Variants in MRPS18C observed in about 807,000 individuals in gnomAD.
MRPS18C encodes the protein small ribosomal subunit protein bS18m.
A neutral mutation model predicts 21.0 loss-of-function variants in MRPS18C; 21 were observed. The ratio of observed to expected loss-of-function variants is 1.00; its 90% CI spans 0.71 to 1.44. The LOEUF is 1.44. MRPS18C is among the 40% of genes most tolerant of loss of function. The probability of loss-of-function intolerance (pLI) is 0.00; values close to 1 mark genes in which losing one functional copy is unlikely to be tolerated. For synonymous variants in MRPS18C, 65 were observed against 54.3 expected (o/e 1.20, Z -0.87); for missense variants, 152 against 171.5 (o/e 0.89, Z 0.64).
chr4:83,457,069 GAATA>G lies in MRPS18C; in HGVS notation c.150+112_150+115del, dbSNP rs914377768. On this transcript the variant is annotated intron_variant, in intron 2 of 5. Transcript: ENST00000295491. ...CTAACATCTTTTATTTTAGCTACTT[GAATA>G]GAGTTCTGCCGTAGGACAAAACAAT... The G allele has an allele frequency of 3.4e-6, 3 of 869,764 alleles. No individual in the cohort carries two copies. In the African/African-American group the frequency reaches 5.1e-5, roughly 15 times the overall value. 53.9% of individuals were successfully genotyped at this position (869,764 alleles called of 1,614,324 possible).
At position 83,460,963 on chromosome 4, in the gene MRPS18C, T is replaced by A. The variant is rs1560568946; in HGVS notation, c.293-10T>A. The A allele has an allele frequency of 1.9e-6, 3 of 1,587,604 alleles. No individual in the cohort carries two copies. The highest frequency in any genetic ancestry group is 2.6e-6 in the Non-Finnish European group (3 of 1,172,920). ...ATTTTTTATGAATAAGAAAGCTTTT[T>A]ATTTTACAGGTCTTTGTGGGAAGAA... On this transcript the variant is annotated splice_polypyrimidine_tract_variant and intron_variant, in intron 4 of 5. Coordinates refer to ENST00000295491, the MANE Select transcript of MRPS18C (RefSeq NM_016067.4).
chr4:83,460,110 A>G (rs1175021435), intron 4 of MRPS18C: 1 of 195,276 alleles, frequency 5.1e-6, no homozygotes, highest in Non-Finnish European at 1.0e-5. Context: ...CCATAGGCCA[A>G]ATTCGACCTG....
Position 83,459,797 on chromosome 4 carries a change from G to C in MRPS18C, c.292G>C (p.Gly98Arg). Residue 98 changes from glycine (G) to arginine (R), a missense_variant and splice_region_variant, in exon 4 of 6, where the codon GGT becomes CGT. By Grantham distance (125) the Gly-to-Arg change is moderately radical (BLOSUM62 -2). Transcript: ENST00000295491. ...TGCIYGRHIT[G>R]LCGKKQKEIT... ...ATGCATTTATGGAAGGCACATTACA[G>C]GTATGTTCTTTTTTATTATGGGAAT... 6.3e-7 allele frequency: 1 copy of C among 1,594,086 alleles called. No homozygotes were observed. The highest frequency in any genetic ancestry group is 8.6e-7 in the Non-Finnish European group (1 of 1,166,238).
Position 83,461,868 on chromosome 4 carries a change from T to C in MRPS18C, c.*671T>C, listed in dbSNP as rs1722131666. 1 of 228,558 alleles carries C rather than the reference T, an allele frequency of 4.4e-6. No individual in the cohort carries two copies. Among genetic ancestry groups the C allele is most frequent in the Admixed American group, 5.7e-5 (1 of 17,640 alleles). The allele number at this position is 228,558 out of a possible 1,614,324, so 14.2% of individuals were successfully genotyped here. On this transcript the variant is annotated 3_prime_UTR_variant, in exon 6 of 6. Coordinates refer to ENST00000295491, the MANE Select transcript of MRPS18C (RefSeq NM_016067.4). ...AATTAAGGCTGCCAGATTTAGCAAG[T>C]ACAAATGTAGGACAAATTTAAATTT... is the stretch of plus-strand genomic sequence containing the variant.
Position 83,462,152 on chromosome 4 carries a change from C to G in MRPS18C, c.*955C>G. ...AATCAATCCTCCTGACTTGTCTTCC[C>G]TAAGTGCTGGGATTACAGGTGTGAG... On this transcript the variant is annotated 3_prime_UTR_variant, in exon 6 of 6. Coordinates refer to ENST00000295491, the MANE Select transcript of MRPS18C (RefSeq NM_016067.4). The G allele has an allele frequency of 3.6e-6, 1 of 281,064 alleles. No homozygotes were observed. The highest frequency in any genetic ancestry group is 6.7e-6 in the Non-Finnish European group (1 of 150,340). The allele number at this position is 281,064 out of a possible 1,614,324, so 17.4% of individuals were successfully genotyped here.
chr4:83,456,082 C>G lies in MRPS18C; in HGVS notation c.5C>G (p.Ala2Gly), dbSNP rs773152659. ...AAGTGGAAGAAACGCGGAACCATGG[C>G]CGCTGTGGTTGCTGTTTGCGGTGGT... M[A>G]AVVAVCGGLG... Residue 2 changes from alanine (A) to glycine (G), a missense_variant, in exon 1 of 6, where the codon GCC (alanine) becomes GGC (glycine). Physicochemically the swap from Ala to Gly is moderately conservative, Grantham distance 60. Coordinates refer to ENST00000295491, the MANE Select transcript of MRPS18C (RefSeq NM_016067.4). The G allele has an allele frequency of 2.9e-5, 47 of 1,612,340 alleles. No individual in the cohort carries two copies. The highest frequency in any genetic ancestry group is 4.0e-5 in the African/African-American group (3 of 74,862).
chr4:83,458,288 C>A (rs1044255158), intron 2 of MRPS18C, 58 bp from the exon 3 acceptor site: 2 of 1,189,210 alleles, frequency 1.7e-6, no homozygotes, highest in African/African-American at 3.0e-5. Flanking sequence ...AGAATAGTAA[C>A]CTTTTAAAAT....
rs1578121049 is a variant in MRPS18C, at chr4:83,461,318, TC to T, written c.*125del. 2.0e-5 allele frequency: 15 copies of T among 764,920 alleles called. No individual in the cohort carries two copies. Among genetic ancestry groups the T allele is most frequent in the Non-Finnish European group, 3.0e-5 (13 of 439,250 alleles). The allele number at this position is 764,920 out of a possible 1,614,324, so 47.4% of individuals were successfully genotyped here. ...GAGGAGTGAGGTAAAGAATGACACT[TC>T]CCCTTCATACCAATGTCCATTAAGC... On this transcript the variant is annotated 3_prime_UTR_variant, in exon 6 of 6. Transcript: ENST00000295491.
Position 83,456,911 on chromosome 4 carries a change from CT to C in MRPS18C, c.106del (p.Trp36GlyfsTer37), listed in dbSNP as rs763750027. Reference protein sequence around the residue: ...SLTHPGTHTVLWRRGCSQQVS... With the variant: ...SLTHPGTHTVXWRRGCSQQVS... Reference sequence around the variant, plus strand: ...TTGCTGTTTCTGTTTAATCGCAGTGCTTTGGAGAAGAGGTTGTTCACAACAG... The same window carrying C: ...TTGCTGTTTCTGTTTAATCGCAGTGCTTGGAGAAGAGGTTGTTCACAACAG... On this transcript the variant is annotated frameshift_variant, in exon 2 of 6. Transcript: ENST00000295491. LOFTEE classifies it high-confidence loss of function. 6.2e-6 allele frequency: 10 copies of C among 1,611,582 alleles called. No homozygotes were observed. In the Admixed American group the frequency reaches 1.7e-4, roughly 27 times the overall value.
rs1324368218 is a variant in MRPS18C at position 83,459,734 on chromosome 4, A to G, written c.235-6A>G. 2 of 1,608,958 alleles carry G rather than the reference A, an allele frequency of 1.2e-6. No individual in the cohort carries two copies. Among genetic ancestry groups the G allele is most frequent in the Non-Finnish European group, 1.7e-6 (2 of 1,177,690 alleles). On this transcript the variant is annotated splice_region_variant and splice_polypyrimidine_tract_variant and intron_variant, in intron 3 of 5. Coordinates refer to ENST00000295491, the MANE Select transcript of MRPS18C (RefSeq NM_016067.4). ...TTTTTCCCCTCCACATAAAACTCCA[A>G]AACAGCTTTTGTCCCAGTTTGTTTC...
chr4:83,459,506 T>C (rs1344855108), intron 3 of MRPS18C: 3 of 389,626 alleles, frequency 7.7e-6, no homozygotes, highest in Admixed American at 4.4e-5. Context: ...AGATTTACCA[T>C]TGAATGAATA....
At chr4:83,460,922 A>G (rs1171122512) in intron 4 of MRPS18C, 51 bp from the exon 5 acceptor site, 4 of 1,552,830 alleles carry the variant, frequency 2.6e-6, no homozygotes, top group Non-Finnish European at 3.5e-6. Context: ...AAAAATTGCA[A>G]ACTTTAAATA....
chr4:83,458,254 A>G (rs1056202418), intron 2 of MRPS18C, 92 bp from the exon 3 acceptor site: 18 of 893,314 alleles, frequency 2.0e-5, no homozygotes, highest in Admixed American at 2.0e-4. Context: ...AGGTATAACT[A>G]ATCCTTTGAA....
Position 83,461,834 on chromosome 4 carries a change from T to C in MRPS18C, c.*637T>C. ...GATTACTGTTTGTGTTGTGTTATAG[T>C]TGTGTAATAATTAAGGCTGCCAGAT... On this transcript the variant is annotated 3_prime_UTR_variant, in exon 6 of 6. Transcript: ENST00000295491. 1 of 228,356 alleles carries C rather than the reference T, an allele frequency of 4.4e-6. No individual in the cohort carries two copies. Among genetic ancestry groups the C allele is most frequent in the Non-Finnish European group, 8.7e-6 (1 of 115,132 alleles). The allele number at this position is 228,356 out of a possible 1,614,324, so 14.1% of individuals were successfully genotyped here.
At chr4:83,459,827 A>G in intron 4 of MRPS18C, 30 bp downstream of exon 4, 1 of 1,509,984 alleles carries the variant, frequency 6.6e-7, no homozygotes, top group East Asian at 2.3e-5. Context: ...GGGAATATAA[A>G]TGTAGATACG....
intron 4 of MRPS18C, 88 bp from the exon 5 acceptor site, chr4:83,460,885 G>T: frequency 1.8e-6 from 2 of 1,113,672 alleles, no homozygotes; most frequent in South Asian, 2.8e-5. Flanking sequence ...CAGCCTGGGT[G>T]ACACAGGGAG....
intron 3 of MRPS18C, 118 bp downstream of exon 3, chr4:83,458,547 T>G (rs1167485200): frequency 5.8e-6 from 4 of 689,222 alleles, no homozygotes; most frequent in Non-Finnish European, 9.3e-6. Flanking sequence ...AGCAACTTCA[T>G]AATTTCAAAT....
At chr4:83,457,084 G>A (rs555868963) in intron 2 of MRPS18C, 126 bp downstream of exon 2, 8 of 732,774 alleles carry the variant, frequency 1.1e-5, no homozygotes, top group South Asian at 3.9e-5. Flanking sequence ...GAGTTCTGCC[G>A]TAGGACAAAA....
rs1253441762 is a variant in MRPS18C, at chr4:83,461,269, C to T, written c.*72C>T. ...GTATGATGCCAATACTGACTCAAAC[C>T]AACCTTTGGATAGAAAAGTGTTTGA... On this transcript the variant is annotated 3_prime_UTR_variant, in exon 6 of 6. Coordinates refer to ENST00000295491, the MANE Select transcript of MRPS18C (RefSeq NM_016067.4). The T allele has an allele frequency of 1.5e-6, 2 of 1,311,224 alleles. No homozygotes were observed. The highest frequency in any genetic ancestry group is 2.9e-5 in the African/African-American group (2 of 68,826). 81.2% of individuals were successfully genotyped at this position (1,311,224 alleles called of 1,614,324 possible).
Sources: gnomAD v4.1 joint callset for allele counts on GRCh38, gnomAD v4.1.1 for gene constraint, MANE v1.5 for transcripts, NCBI Gene and HGNC (gene_info 2026-07-23, HGNC 2026-07-21) for gene names.